Variants in NRXN1 observed in about 807,000 individuals in gnomAD.
NRXN1 encodes neurexin-1.
A neutral mutation model predicts 150.9 loss-of-function variants in NRXN1; 39 were observed. The ratio of observed to expected loss-of-function variants is 0.26; its 90% CI spans 0.20 to 0.34. NRXN1 has a LOEUF of 0.34. Among genes scored for constraint, NRXN1 ranks in the 10% least tolerant of loss-of-function variants. The pLI is 1.00. For missense variants in NRXN1, 1,815 were observed against 1,949.9 expected (o/e 0.93, Z 1.30); for synonymous variants, 924 against 757.0 (o/e 1.22, Z -3.62).
intron 18 of NRXN1, among the ~76,000 whole-genome samples, chr2:50,187,743 C>T (rs2061180668): frequency 6.6e-6 from 1 of 151,914 alleles, no homozygotes. Flanking sequence ...CCATTTGTGT[C>T]CTCTCTTATT....
intron 21 of NRXN1, among the ~76,000 whole-genome samples, chr2:49,967,400 C>A (rs574022270): frequency 6.6e-6 from 1 of 152,054 alleles, no homozygotes; most frequent in East Asian, 1.9e-4. Flanking sequence ...TAAATACATT[C>A]TCTTTTAAAA....
intron 5 of NRXN1, among the ~76,000 whole-genome samples, chr2:50,778,773 CTGA>C (rs1363922412): frequency 2.6e-5 from 4 of 152,262 alleles, no homozygotes; most frequent in Non-Finnish European, 5.9e-5. Context: ...GTGCAAGCTG[CTGA>C]TGTTCGTTTG....
chr2:50,177,579 T>C (rs994258556), intron 18 of NRXN1, among the ~76,000 whole-genome samples: 2 of 151,934 alleles, frequency 1.3e-5, no homozygotes, highest in Admixed American at 6.6e-5. Flanking sequence ...AGCCCCAAAA[T>C]AGTCCTTAAA....
At chr2:50,663,469 C>T (rs1687595490) in intron 5 of NRXN1, among the ~76,000 whole-genome samples, 1 of 151,966 alleles carries the variant, frequency 6.6e-6, no homozygotes, top group African/African-American at 2.4e-5. Context: ...CCTATTCTAA[C>T]CTGACCCTAT....
At chr2:50,040,159 G>A (rs770000092) in intron 21 of NRXN1, among the ~76,000 whole-genome samples, 2 of 152,042 alleles carry the variant, frequency 1.3e-5, no homozygotes, top group Non-Finnish European at 2.9e-5. Flanking sequence ...AATAAAATGA[G>A]ATCATGAGAT....
chr2:50,892,012 A>C (rs2103837563), intron 5 of NRXN1, among the ~76,000 whole-genome samples: 1 of 152,258 alleles, frequency 6.6e-6, no homozygotes, highest in Admixed American at 6.5e-5. Flanking sequence ...AGGATACACA[A>C]ACTTACAGCT....
At chr2:50,936,672 C>T (rs1688592464) in intron 2 of NRXN1, among the ~76,000 whole-genome samples, 1 of 152,046 alleles carries the variant, frequency 6.6e-6, no homozygotes, top group African/African-American at 2.4e-5. Context: ...AGAAAAGTCA[C>T]TGCTTTCTGA....
chr2:50,456,070 T>C (rs2087526267), intron 17 of NRXN1, among the ~76,000 whole-genome samples: 3 of 152,156 alleles, frequency 2.0e-5, no homozygotes, highest in Admixed American at 2.0e-4. Flanking sequence ...TCCATCTGCT[T>C]CTCTCCCTAA....
In NRXN1 at chr2:50,802,410, TGCA is replaced by T. The variant is rs1177870359; in HGVS notation, c.832+119456_832+119458del. On this transcript the variant is annotated intron_variant, in intron 5 of 22. Coordinates refer to ENST00000401669, the MANE Select transcript of NRXN1 (RefSeq NM_001330078.2). ...GGGAGGCTGAGGCAGGAGAATCACT[TGCA>T]CCCTGGAGGCAGAGGTTGCAGTGAG... Among the ~76,000 whole-genome samples, 3 of 152,046 alleles carry T rather than the reference TGCA, an allele frequency of 2.0e-5. No homozygotes were observed. In the East Asian group the frequency reaches 5.8e-4, roughly 30 times the overall value.
At chr2:50,232,091 G>A (rs1280135601) in intron 18 of NRXN1, among the ~76,000 whole-genome samples, 1 of 152,020 alleles carries the variant, frequency 6.6e-6, no homozygotes, top group Non-Finnish European at 1.5e-5. Context: ...GAAGAGAGAT[G>A]AAGAAATATC....
At chr2:50,121,317 T>G (rs1703827697) in intron 18 of NRXN1, among the ~76,000 whole-genome samples, 1 of 152,162 alleles carries the variant, frequency 6.6e-6, no homozygotes, top group Non-Finnish European at 1.5e-5. Context: ...CACTGCCCAC[T>G]GCGCCCAGCC....
intron 5 of NRXN1, among the ~76,000 whole-genome samples, chr2:50,686,721 C>T (rs1485108224): frequency 1.3e-5 from 2 of 152,146 alleles, no homozygotes; most frequent in African/African-American, 4.8e-5. Flanking sequence ...AGGGAAAGTA[C>T]AATAGCGTTA....
At chr2:50,496,840 A>C (rs2091660979) in intron 14 of NRXN1, among the ~76,000 whole-genome samples, 1 of 152,170 alleles carries the variant, frequency 6.6e-6, no homozygotes, top group South Asian at 2.1e-4. Flanking sequence ...AAATACATTA[A>C]ATTTTCCTCA....
intron 19 of NRXN1, among the ~76,000 whole-genome samples, chr2:50,062,967 T>C (rs1383872560): frequency 1.3e-5 from 2 of 152,192 alleles, no homozygotes; most frequent in African/African-American, 4.8e-5. Flanking sequence ...CTTGAGTTTT[T>C]AACATTGGGA....
At chr2:49,945,477 T>C (rs2104398749) in intron 21 of NRXN1, among the ~76,000 whole-genome samples, 1 of 152,056 alleles carries the variant, frequency 6.6e-6, no homozygotes, top group African/African-American at 2.4e-5. Context: ...CATGGTGGTT[T>C]GCTGCACCCA....
At chr2:50,594,509 C>T (rs1160212608) in intron 8 of NRXN1, among the ~76,000 whole-genome samples, 1 of 151,996 alleles carries the variant, frequency 6.6e-6, no homozygotes, top group East Asian at 1.9e-4. Context: ...GAAGAAAGAC[C>T]TCCTGATAAC....
chr2:50,700,856 C>T (rs955037836), intron 5 of NRXN1, among the ~76,000 whole-genome samples: 2 of 149,946 alleles, frequency 1.3e-5, no homozygotes, highest in African/African-American at 2.5e-5. Flanking sequence ...TTAGTAGAGA[C>T]GGGGTTTCAC....
chr2:50,757,938 T>C (rs1056343504), intron 5 of NRXN1: 1 of 151,764 alleles, frequency 6.6e-6, no homozygotes, highest in African/African-American at 2.4e-5. Context: ...TATTAGTCCA[T>C]AGGACCTCCT....
chr2:50,017,313 T>C (rs1360812836), intron 21 of NRXN1, among the ~76,000 whole-genome samples: 1 of 152,204 alleles, frequency 6.6e-6, no homozygotes, highest in Non-Finnish European at 1.5e-5. Flanking sequence ...CCAAGTGATG[T>C]ATTGTCAAAA....
Sources: allele counts gnomAD v4.1 joint callset (sites outside exome capture counted in the v4.1 genomes callset), GRCh38; gene constraint gnomAD v4.1.1; transcripts MANE v1.5; gene names NCBI Gene and HGNC (gene_info 2026-07-23, HGNC 2026-07-21).